Variants in CNTNAP2 observed in about 807,000 individuals in gnomAD.
CNTNAP2 encodes the protein contactin associated protein 2.
Under a neutral mutation model 155.2 loss-of-function variants are expected in CNTNAP2, and 98 were observed. That is an observed-to-expected ratio of 0.63 (90% CI 0.54 to 0.75). The LOEUF is 0.75. Among genes scored for constraint, CNTNAP2 ranks in the 30% least tolerant of loss-of-function variants. CNTNAP2 has a pLI of 0.00. For synonymous variants in CNTNAP2, 651 were observed against 631.2 expected, an observed-to-expected ratio of 1.03 and a Z score of -0.47; for missense variants, 1,727 against 1,688.1, an observed-to-expected ratio of 1.02 and a Z score of -0.40.
intron 1 of CNTNAP2, among the ~76,000 whole-genome samples, chr7:146,773,026 G>T (rs1802324211): frequency 6.6e-6 from 1 of 152,024 alleles, no homozygotes; most frequent in Non-Finnish European, 1.5e-5. Context: ...TTGAAGTGAG[G>T]CAGTAGGATT....
At chr7:148,344,145 T>G (rs1389997239) in intron 21 of CNTNAP2, among the ~76,000 whole-genome samples, 2 of 152,222 alleles carry the variant, frequency 1.3e-5, no homozygotes, top group African/African-American at 4.8e-5. Flanking sequence ...ACTCAGTCTC[T>G]CCTAGCAGAT....
chr7:148,410,768 CAG>C (rs1187185811), intron 23 of CNTNAP2, among the ~76,000 whole-genome samples: 1 of 151,896 alleles, frequency 6.6e-6, no homozygotes, highest in African/African-American at 2.4e-5. Context: ...AAACACGTAA[CAG>C]AGATTGGGAA....
At chr7:146,481,132 A>G (rs1796955300) in intron 1 of CNTNAP2, among the ~76,000 whole-genome samples, 8 of 152,174 alleles carry the variant, frequency 5.3e-5, no homozygotes. Context: ...AGCAAGTAAA[A>G]TACATCAGTT....
chr7:147,090,184 T>C (rs1253979000), intron 4 of CNTNAP2, among the ~76,000 whole-genome samples: 1 of 152,204 alleles, frequency 6.6e-6, no homozygotes, highest in African/African-American at 2.4e-5. Flanking sequence ...CTTCCAGGCA[T>C]GAGTCAATGT....
At chr7:146,633,138 G>A (rs1799537079) in intron 1 of CNTNAP2, among the ~76,000 whole-genome samples, 1 of 152,194 alleles carries the variant, frequency 6.6e-6, no homozygotes, top group South Asian at 2.1e-4. Context: ...GGAGGCATCC[G>A]ATCCTGGGAA....
At chr7:148,192,481 T>C (rs1465968652) in intron 18 of CNTNAP2, among the ~76,000 whole-genome samples, 2 of 151,792 alleles carry the variant, frequency 1.3e-5, no homozygotes, top group Non-Finnish European at 2.9e-5. Flanking sequence ...AAGTAATTTT[T>C]TCCCCTCCCT....
intron 21 of CNTNAP2, among the ~76,000 whole-genome samples, chr7:148,363,070 C>T (rs1263973291): frequency 2.0e-5 from 3 of 152,190 alleles, no homozygotes; most frequent in Non-Finnish European, 4.4e-5. Flanking sequence ...CAACCTCCAC[C>T]TCCTGGGTTC....
intron 20 of CNTNAP2, among the ~76,000 whole-genome samples, chr7:148,253,854 G>A (rs1048895576): frequency 2.6e-5 from 4 of 152,064 alleles, no homozygotes; most frequent in African/African-American, 4.8e-5. Context: ...CAATATCCTC[G>A]GGGTATCGGT....
chr7:146,508,915 T>TG (rs1797425602), intron 1 of CNTNAP2, among the ~76,000 whole-genome samples: 2 of 152,184 alleles, frequency 1.3e-5, no homozygotes, highest in Admixed American at 6.5e-5. Context: ...TCCCATGAGA[T>TG]GGCCCCCTGC....
intron 1 of CNTNAP2, among the ~76,000 whole-genome samples, chr7:146,687,046 A>C (rs1270350793): frequency 6.6e-6 from 1 of 152,184 alleles, no homozygotes; most frequent in African/African-American, 2.4e-5. Flanking sequence ...AGCGAGGTGC[A>C]TGAGGTACCT....
intron 22 of CNTNAP2, among the ~76,000 whole-genome samples, chr7:148,394,604 G>C (rs1255710176): frequency 6.6e-6 from 1 of 152,176 alleles, no homozygotes; most frequent in Non-Finnish European, 1.5e-5. Context: ...GTGATGCCCA[G>C]TTACACCATG....
At chr7:148,132,723 T>A (rs2116630465) in intron 16 of CNTNAP2, among the ~76,000 whole-genome samples, 1 of 152,364 alleles carries the variant, frequency 6.6e-6, no homozygotes, top group East Asian at 1.9e-4. Context: ...TTTATTTGCC[T>A]TTTTGATAGT....
At chr7:147,260,614 T>G (rs1001405083) in intron 8 of CNTNAP2, among the ~76,000 whole-genome samples, 4 of 152,176 alleles carry the variant, frequency 2.6e-5, no homozygotes, top group Non-Finnish European at 4.4e-5. Flanking sequence ...CCACAGAACC[T>G]GTATAATTTT....
chr7:148,157,241 A>T (rs1366826689), intron 17 of CNTNAP2, among the ~76,000 whole-genome samples: 2 of 152,214 alleles, frequency 1.3e-5, no homozygotes, highest in Admixed American at 6.5e-5. Context: ...TTCAGAAATA[A>T]ATGAATACGT....
intron 21 of CNTNAP2, among the ~76,000 whole-genome samples, chr7:148,336,034 A>G (rs966286514): frequency 2.6e-5 from 4 of 152,120 alleles, no homozygotes; most frequent in South Asian, 2.1e-4. Context: ...CAATATCTAC[A>G]TATCCAGCCA....
At chr7:148,366,721 A>G (rs1222618148) in intron 21 of CNTNAP2, among the ~76,000 whole-genome samples, 3 of 152,218 alleles carry the variant, frequency 2.0e-5, no homozygotes, top group South Asian at 2.1e-4. Flanking sequence ...GTAAGAGGCC[A>G]TCATGCAGTT....
intron 3 of CNTNAP2, among the ~76,000 whole-genome samples, chr7:146,906,428 G>A (rs1034946653): frequency 2.0e-5 from 3 of 152,154 alleles, no homozygotes; most frequent in African/African-American, 7.2e-5. Context: ...GAGAGCAGTG[G>A]TTCTCCCAGC....
intron 13 of CNTNAP2, among the ~76,000 whole-genome samples, chr7:147,809,441 G>C (rs1798146918): frequency 6.6e-6 from 1 of 152,104 alleles, no homozygotes; most frequent in African/African-American, 2.4e-5. Flanking sequence ...TATCAGATAT[G>C]GAAAGGAAAA....
chr7:146,769,406 CT>C (rs1459661332), intron 1 of CNTNAP2, among the ~76,000 whole-genome samples: 3 of 152,066 alleles, frequency 2.0e-5, no homozygotes, highest in Non-Finnish European at 2.9e-5. Context: ...AAAAAGCAGA[CT>C]TTTTAGAATG....
Sources: gnomAD v4.1 joint callset for allele counts (sites outside exome capture counted in the v4.1 genomes callset) on GRCh38, gnomAD v4.1.1 for gene constraint, MANE v1.5 for transcripts, NCBI Gene and HGNC (gene_info 2026-07-23, HGNC 2026-07-21) for gene names.